Variants in FERRY3 observed in about 807,000 individuals in gnomAD.
FERRY3 encodes the protein protein C12orf4.
At chr12:4,518,253 C>A in the FERRY3 span, 4 of 1,613,802 alleles carry the variant, frequency 2.5e-6, no homozygotes, top group African/African-American at 5.3e-5. Flanking sequence ...TTCAACTGGG[C>A]TCCTGGGGGT....
At chr12:4,504,235 T>C in the FERRY3 span, among the ~76,000 whole-genome samples, 1 of 152,210 alleles carries the variant, frequency 6.6e-6, no homozygotes, top group African/African-American at 2.4e-5. Flanking sequence ...TGTAGGTTAA[T>C]GTGATCTACA....
chr12:4,514,987 G>A, the FERRY3 span, among the ~76,000 whole-genome samples: 22 of 152,100 alleles, frequency 1.4e-4, no homozygotes, highest in South Asian at 8.3e-4. Flanking sequence ...GCTAGATGAC[G>A]AGTTAGTGGG....
the FERRY3 span, among the ~76,000 whole-genome samples, chr12:4,499,815 G>T: frequency 6.6e-6 from 1 of 152,160 alleles, no homozygotes; most frequent in East Asian, 1.9e-4. Context: ...AGAAGAGGGG[G>T]TAGGGGAGAA....
At chr12:4,489,648 A>G in the FERRY3 span, 29 of 504,936 alleles carry the variant, frequency 5.7e-5, no homozygotes, top group Non-Finnish European at 9.5e-5. Flanking sequence ...TGTGCAGTAT[A>G]TAAATTTTTG....
chr12:4,527,373 T>C, the FERRY3 span, among the ~76,000 whole-genome samples: 2 of 152,144 alleles, frequency 1.3e-5, no homozygotes, highest in African/African-American at 4.8e-5. Context: ...ATGATTAAGA[T>C]AGAAGAAAAT....
the FERRY3 span, chr12:4,534,066 T>A: frequency 3.7e-6 from 5 of 1,349,996 alleles, no homozygotes; most frequent in Non-Finnish European, 5.0e-6. Context: ...AAAAGGATCT[T>A]ATAACGATTT....
At chr12:4,502,778 C>T in the FERRY3 span, among the ~76,000 whole-genome samples, 1 of 152,172 alleles carries the variant, frequency 6.6e-6, no homozygotes, top group African/African-American at 2.4e-5. The surrounding 1 kb of genome is among the most constrained non-coding windows in gnomAD (Gnocchi z 4.2). Context: ...TGACAGGTCC[C>T]AGGCAAAGGT....
chr12:4,516,094 G>A, the FERRY3 span, among the ~76,000 whole-genome samples: 1 of 152,004 alleles, frequency 6.6e-6, no homozygotes, highest in Non-Finnish European at 1.5e-5. Flanking sequence ...CTGACTTCAT[G>A]CTACTTAAGA....
At chr12:4,529,918 A>C in the FERRY3 span, 1 of 1,613,008 alleles carries the variant, frequency 6.2e-7, no homozygotes, top group South Asian at 1.1e-5. Context: ...ATCAGTTCTG[A>C]GATACTAACA....
At chr12:4,517,296 T>C in the FERRY3 span, 3 of 1,150,762 alleles carry the variant, frequency 2.6e-6, no homozygotes, top group Admixed American at 7.2e-5. Flanking sequence ...TTATTTTTCT[T>C]AATAAGATTT....
the FERRY3 span, chr12:4,500,067 T>C: frequency 1.4e-6 from 2 of 1,410,110 alleles, no homozygotes; most frequent in Admixed American, 3.6e-5. Context: ...GATTATTATA[T>C]AATATTGGGG....
chr12:4,507,400 T>G, the FERRY3 span, among the ~76,000 whole-genome samples: 2 of 152,192 alleles, frequency 1.3e-5, no homozygotes, highest in African/African-American at 4.8e-5. Context: ...GGCTCTGTTA[T>G]ATATAACACA....
the FERRY3 span, among the ~76,000 whole-genome samples, chr12:4,519,292 TA>T: frequency 6.6e-6 from 1 of 152,032 alleles, no homozygotes. This position sits in a 1 kb window ranked among gnomAD's most constrained non-coding sequence, Gnocchi z 4.3. Context: ...AATAAAAATT[TA>T]AAGTCAAATA....
chr12:4,521,333 A>T, the FERRY3 span, among the ~76,000 whole-genome samples: 1 of 152,010 alleles, frequency 6.6e-6, no homozygotes, highest in Non-Finnish European at 1.5e-5. Flanking sequence ...TAGGCATTGT[A>T]CTCCAGCCTG....
the FERRY3 span, among the ~76,000 whole-genome samples, chr12:4,490,908 T>C: frequency 6.6e-6 from 1 of 152,170 alleles, no homozygotes; most frequent in African/African-American, 2.4e-5. Flanking sequence ...TTTTTCTTTT[T>C]AAGAGAATAA....
chr12:4,523,741 T>A, the FERRY3 span, among the ~76,000 whole-genome samples: 1 of 152,032 alleles, frequency 6.6e-6, no homozygotes, highest in Non-Finnish European at 1.5e-5. Flanking sequence ...TTCTCACTCA[T>A]AGGTGAGAAT....
the FERRY3 span, among the ~76,000 whole-genome samples, chr12:4,508,612 G>T: frequency 6.6e-6 from 1 of 152,046 alleles, no homozygotes; most frequent in Non-Finnish European, 1.5e-5. Flanking sequence ...AGGCACGGTG[G>T]TACACATCTG....
At chr12:4,522,562 G>C in the FERRY3 span, among the ~76,000 whole-genome samples, 3 of 152,338 alleles carry the variant, frequency 2.0e-5, no homozygotes, top group African/African-American at 7.2e-5. Context: ...ATACATTGGT[G>C]GTGGGAACGC....
the FERRY3 span, among the ~76,000 whole-genome samples, chr12:4,532,746 A>G: frequency 6.6e-6 from 1 of 152,144 alleles, no homozygotes; most frequent in Non-Finnish European, 1.5e-5. Context: ...ATCAACTGCC[A>G]CTTAGCTTCA....
Sources: allele counts gnomAD v4.1 joint callset (sites outside exome capture counted in the v4.1 genomes callset), GRCh38; gene constraint gnomAD v4.1.1; non-coding constraint Gnocchi (gnomAD v3.1); transcripts MANE v1.5; gene names NCBI Gene and HGNC (gene_info 2026-07-23, HGNC 2026-07-21).